PCSK5: variants seen among roughly 807,000 people sequenced by gnomAD.
PCSK5 encodes the protein proprotein convertase subtilisin/kexin type 5.
Under a neutral mutation model 233.2 loss-of-function variants are expected in PCSK5, and 129 were observed. That is an observed-to-expected ratio of 0.55 (90% CI 0.48 to 0.64). The LOEUF (loss-of-function observed/expected upper bound fraction) is 0.64. PCSK5 is among the 30% of genes least tolerant of loss of function. The pLI is 0.00. For synonymous variants in PCSK5, 825 were observed against 879.2 expected, an observed-to-expected ratio of 0.94 and a Z score of 1.09; for missense variants, 2,076 against 2,430.1, an observed-to-expected ratio of 0.85 and a Z score of 3.06.
chr9:76,359,095 G>C lies in PCSK5; in HGVS notation c.*173G>C. On this transcript the variant is annotated 3_prime_UTR_variant, in exon 38 of 38. Coordinates refer to ENST00000674117, the MANE Select transcript of PCSK5 (RefSeq NM_001372043.1). ...TGATGAAATACTTTGTTCTTCTTTT[G>C]AGTGGCTAAACTCAATTAACAGTTC... 1.7e-6 allele frequency: 1 copy of C among 599,700 alleles called. No individual in the cohort carries two copies. The highest frequency in any genetic ancestry group is 2.9e-6 in the Non-Finnish European group (1 of 340,696). The allele number at this position is 599,700 out of a possible 1,614,324, so 37.1% of individuals were successfully genotyped here.
At chr9:76,286,622 C>G (rs1199318745) in intron 24 of PCSK5, 1 of 156,560 alleles carries the variant, frequency 6.4e-6, no homozygotes, top group Non-Finnish European at 1.4e-5. Context: ...TGTCTCAAAT[C>G]CTGGAGGTAG....
chr9:76,064,520 A>G (rs866259065), intron 5 of PCSK5, among the ~76,000 whole-genome samples: 4 of 147,232 alleles, frequency 2.7e-5, no homozygotes, highest in Non-Finnish European at 6.0e-5. Context: ...AACCCCCCCA[A>G]CCTCCCTCCC....
At chr9:76,338,469 T>G in intron 35 of PCSK5, 22 bp downstream of exon 35, 1 of 1,515,536 alleles carries the variant, frequency 6.6e-7, no homozygotes, top group Non-Finnish European at 9.2e-7. Context: ...CCTGTCATTT[T>G]GCATGAGTGC....
chr9:76,280,845 C>T (rs1464903973), intron 24 of PCSK5, among the ~76,000 whole-genome samples: 4 of 133,154 alleles, frequency 3.0e-5, no homozygotes, highest in Non-Finnish European at 4.8e-5. Context: ...AAAAGTGCTA[C>T]TCCAGTGAAT....
In PCSK5 at chr9:76,328,791, T is replaced by C. The variant is rs572930623; in HGVS notation, c.4570+552T>C. Among the ~76,000 whole-genome samples the C allele has an allele frequency of 7.0e-4, 106 of 152,176 alleles. No homozygotes were observed. In the Middle Eastern group the frequency reaches 0.014, roughly 20 times the overall value. ...TCAGGCTAGAGTCAGTTGTTTCATT[T>C]AGCTTCCATGTCCCTTTTTTGTTTG... On this transcript the variant is annotated intron_variant, in intron 33 of 37. Transcript: ENST00000674117.
At chr9:75,925,538 G>A (rs574521279) in intron 1 of PCSK5, among the ~76,000 whole-genome samples, 1 of 152,344 alleles carries the variant, frequency 6.6e-6, no homozygotes, top group South Asian at 2.1e-4. Flanking sequence ...GGTCATGTAA[G>A]TGTTATGGAG....
chr9:76,204,289 G>C (rs376812416), intron 20 of PCSK5, among the ~76,000 whole-genome samples: 3 of 152,086 alleles, frequency 2.0e-5, no homozygotes, highest in African/African-American at 4.8e-5. Context: ...AGAAGCTAAA[G>C]TGACTTTTCA....
In PCSK5 at chr9:76,292,240, A is replaced by G; in HGVS notation, c.3150A>G (p.Pro1050=). ...EGCLGCSLDD[P]GTCTSCAMGY... ...ATTATTTTTTTTTTCCAGATGATCC[A>G]GGAACATGTACATCTTGCGCTATGG... Residue 1050 remains proline (P), a synonymous_variant, in exon 25 of 38, where the codon CCA becomes CCG. Coordinates refer to ENST00000674117, the MANE Select transcript of PCSK5 (RefSeq NM_001372043.1). 1 of 1,567,374 alleles carries G rather than the reference A, an allele frequency of 6.4e-7. No homozygotes were observed. The highest frequency in any genetic ancestry group is 8.8e-7 in the Non-Finnish European group (1 of 1,139,910).
chr9:75,966,923 C>A (rs923741481), intron 2 of PCSK5, among the ~76,000 whole-genome samples: 2 of 152,096 alleles, frequency 1.3e-5, no homozygotes, highest in African/African-American at 4.8e-5. Context: ...ATATCTTTAA[C>A]ATAAAGGAGA....
chr9:76,018,806 T>G (rs771250370), intron 3 of PCSK5, among the ~76,000 whole-genome samples: 1 of 152,234 alleles, frequency 6.6e-6, no homozygotes, highest in Admixed American at 6.5e-5. Flanking sequence ...CTTAAACAAC[T>G]GTATTCCACT....
chr9:76,128,128 A>G (rs920743656), intron 9 of PCSK5, among the ~76,000 whole-genome samples: 5 of 152,202 alleles, frequency 3.3e-5, no homozygotes, highest in Non-Finnish European at 5.9e-5. Flanking sequence ...AAGTCCTGGG[A>G]CAGCCCACAA....
intron 12 of PCSK5, among the ~76,000 whole-genome samples, chr9:76,167,570 T>A (rs1231613520): frequency 1.3e-5 from 2 of 152,234 alleles, no homozygotes; most frequent in South Asian, 4.1e-4. Flanking sequence ...TCCAAAATTG[T>A]GTTTCTGAAC....
intron 20 of PCSK5, among the ~76,000 whole-genome samples, chr9:76,213,208 C>T (rs190736371): frequency 1.3e-5 from 2 of 152,316 alleles, no homozygotes; most frequent in East Asian, 3.9e-4. Flanking sequence ...TTCAGAGAAG[C>T]TGATTCTTCT....
At chr9:75,976,252 G>A (rs898941395) in intron 2 of PCSK5, among the ~76,000 whole-genome samples, 2 of 148,280 alleles carry the variant, frequency 1.3e-5, no homozygotes, top group Non-Finnish European at 3.0e-5. Flanking sequence ...CCTACTTCAT[G>A]TTGGGTGCAT....
At chr9:76,061,595 G>C (rs1368406768) in intron 5 of PCSK5, among the ~76,000 whole-genome samples, 1 of 152,120 alleles carries the variant, frequency 6.6e-6, no homozygotes, top group Non-Finnish European at 1.5e-5. Flanking sequence ...ATAATTGCTA[G>C]ATTTGGGGGA....
At chr9:76,341,423 C>G (rs1260954914) in intron 35 of PCSK5, among the ~76,000 whole-genome samples, 1 of 152,034 alleles carries the variant, frequency 6.6e-6, no homozygotes, top group Non-Finnish European at 1.5e-5. Flanking sequence ...AATTCATGTT[C>G]TAATTATTGA....
At chr9:75,954,466 A>G in intron 2 of PCSK5, among the ~76,000 whole-genome samples, 1 of 152,146 alleles carries the variant, frequency 6.6e-6, no homozygotes, top group South Asian at 2.1e-4. Flanking sequence ...CCAGGAAAAC[A>G]CTGTGGTACT....
At chr9:76,198,988 A>G (rs985763301) in intron 20 of PCSK5, among the ~76,000 whole-genome samples, 1 of 152,234 alleles carries the variant, frequency 6.6e-6, no homozygotes, top group Non-Finnish European at 1.5e-5. Flanking sequence ...TAAAATGTAC[A>G]AATAAAACTG....
chr9:76,282,124 T>TC (rs1827891530), intron 24 of PCSK5, among the ~76,000 whole-genome samples: 1 of 62,252 alleles, frequency 1.6e-5, no homozygotes, highest in Non-Finnish European at 3.5e-5. Context: ...TCTTTGCTTT[T>TC]TTTTTTTTTT....
Sources: allele counts gnomAD v4.1 joint callset (sites outside exome capture counted in the v4.1 genomes callset), GRCh38; gene constraint gnomAD v4.1.1; transcripts MANE v1.5; gene names NCBI Gene and HGNC (gene_info 2026-07-23, HGNC 2026-07-21).